The following WDR27 variants were observed in gnomAD, a reference collection of about 807,000 sequenced individuals.
WDR27 encodes WD repeat-containing protein 27.
A neutral mutation model predicts 114.4 loss-of-function variants in WDR27; 100 were observed. That is an observed-to-expected ratio of 0.87 (90% CI 0.74 to 1.03). The LOEUF (loss-of-function observed/expected upper bound fraction) is 1.03. WDR27 is among the 50% of genes least tolerant of loss of function. The pLI, the probability that WDR27 is intolerant of heterozygous loss-of-function variation, is 0.00. For synonymous variants in WDR27, 449 were observed against 423.1 expected (o/e 1.06, Z -0.75); for missense variants, 1,129 against 1,092.9 (o/e 1.03, Z -0.47).
chr6:169,630,563 G>T (rs1409458776), intron 21 of WDR27, among the ~76,000 whole-genome samples: 5 of 152,130 alleles, frequency 3.3e-5, no homozygotes, highest in African/African-American at 1.2e-4. Context: ...ATCTCATTAA[G>T]CTGCACTTGA....
At chr6:169,687,051 A>G (rs1202979563) in intron 2 of WDR27, among the ~76,000 whole-genome samples, 1 of 152,152 alleles carries the variant, frequency 6.6e-6, no homozygotes, top group South Asian at 2.1e-4. Flanking sequence ...GATAGTAAGA[A>G]TAAGTTCTGG....
chr6:169,699,655 G>A lies in WDR27; in HGVS notation c.-8+1896C>T, dbSNP rs775519032. 5.9e-5 allele frequency among the ~76,000 whole-genome samples: 9 copies of A among 152,264 alleles called. No homozygotes were observed. The South Asian group carries it at 6.2e-4, about 11-fold the overall frequency. On this transcript the variant is annotated intron_variant, in intron 1 of 25. Transcript: ENST00000448612. ...CCTCATAGCCACATCAGATGAGACC[G>A]TGGAGGAAAAGGACTAAGGGTAGAA...
chr6:169,574,825 T>C (rs1016389052), intron 24 of WDR27, among the ~76,000 whole-genome samples: 1 of 152,064 alleles, frequency 6.6e-6, no homozygotes, highest in Admixed American at 6.5e-5. Flanking sequence ...AGAAGGCCAA[T>C]AGCTTATCTC....
chr6:169,600,458 G>A (rs1453996105), intron 23 of WDR27, among the ~76,000 whole-genome samples: 1 of 152,200 alleles, frequency 6.6e-6, no homozygotes, highest in Admixed American at 6.5e-5. Context: ...AACAAAGCTG[G>A]ACGGAGAATG....
chr6:169,452,723 A>G, downstream of WDR27, among the ~76,000 whole-genome samples: 1 of 152,268 alleles, frequency 6.6e-6, no homozygotes, highest in East Asian at 1.9e-4. Flanking sequence ...TTCCACGGGG[A>G]TGGCACAGAA....
At chr6:169,566,420 G>A (rs1244500753) in intron 25 of WDR27, among the ~76,000 whole-genome samples, 1 of 152,226 alleles carries the variant, frequency 6.6e-6, no homozygotes, top group Non-Finnish European at 1.5e-5. Flanking sequence ...CACAGACCCT[G>A]AGAGTGGCCA....
At chr6:169,548,012 TA>T (rs765182527) in intron 25 of WDR27, among the ~76,000 whole-genome samples, 1 of 151,676 alleles carries the variant, frequency 6.6e-6, no homozygotes, top group East Asian at 1.9e-4. Context: ...GGTTAATACA[TA>T]AAAGTTAATC....
intron 25 of WDR27, among the ~76,000 whole-genome samples, chr6:169,553,002 GT>G (rs1798375088): frequency 1.6e-5 from 2 of 122,362 alleles, no homozygotes; most frequent in African/African-American, 6.1e-5. Context: ...GTGTGTGTGT[GT>G]GTGTGTGTGT....
chr6:169,463,252 A>G (rs1785136359), intron 25 of WDR27, among the ~76,000 whole-genome samples: 1 of 152,252 alleles, frequency 6.6e-6, no homozygotes, highest in African/African-American at 2.4e-5. Context: ...GGGGGTGTCA[A>G]ACTTGCCCTT....
intron 25 of WDR27, among the ~76,000 whole-genome samples, chr6:169,518,359 C>T (rs1793939571): frequency 1.3e-5 from 2 of 152,262 alleles, no homozygotes; most frequent in Admixed American, 6.5e-5. Flanking sequence ...GCCTGGCATC[C>T]AGCCTTTTTC....
At chr6:169,467,879 T>C (rs1178936249) in intron 25 of WDR27, among the ~76,000 whole-genome samples, 1 of 152,264 alleles carries the variant, frequency 6.6e-6, no homozygotes, top group Non-Finnish European at 1.5e-5. Context: ...TTCTGAACTT[T>C]TATGCTCTGC....
At chr6:169,671,029 A>C (rs1778604565) in intron 3 of WDR27, 3 of 215,482 alleles carry the variant, frequency 1.4e-5, no homozygotes, top group Admixed American at 5.4e-5. Context: ...CCCCATGTCC[A>C]CCCTCATGTA....
intron 1 of WDR27, among the ~76,000 whole-genome samples, chr6:169,692,337 T>A (rs950728156): frequency 6.6e-6 from 1 of 152,022 alleles, no homozygotes; most frequent in African/African-American, 2.4e-5. Flanking sequence ...CTGAATTATG[T>A]GATAATTTAG....
At chr6:169,482,096 GCTTGACC>G (rs1788238022) in intron 25 of WDR27, among the ~76,000 whole-genome samples, 1 of 152,232 alleles carries the variant, frequency 6.6e-6, no homozygotes, top group Non-Finnish European at 1.5e-5. Context: ...GTGGCCTCCA[GCTTGACC>G]CATGTCCCTG....
Position 169,553,302 on chromosome 6 carries a change from G to T in WDR27, c.2645+19117C>A, listed in dbSNP as rs941947325. ...CCCAGCAACGTCTCCCTGCCCATCC[G>T]CAAGCCATTCTTTCCGGTTTAGTAC... On this transcript the variant is annotated intron_variant, in intron 25 of 25. Coordinates refer to ENST00000448612, the MANE Select transcript of WDR27 (RefSeq NM_182552.5). 2.6e-5 allele frequency among the ~76,000 whole-genome samples: 4 copies of T among 152,164 alleles called. No homozygotes were observed. The East Asian group carries it at 7.7e-4, about 29-fold the overall frequency.
At chr6:169,606,506 C>T (rs552426584) in intron 22 of WDR27, among the ~76,000 whole-genome samples, 106 of 152,268 alleles carry the variant, frequency 7.0e-4, no homozygotes, top group Middle Eastern at 3.4e-3. Context: ...TTGTTCCATT[C>T]CTTGTGTCCA....
intron 8 of WDR27, among the ~76,000 whole-genome samples, chr6:169,663,389 A>T (rs1384644225): frequency 6.6e-6 from 1 of 152,196 alleles, no homozygotes; most frequent in Non-Finnish European, 1.5e-5. Context: ...AGAATGAGTA[A>T]CCAGAATGAG....
At chr6:169,467,907 GT>G (rs1785820053) in intron 25 of WDR27, among the ~76,000 whole-genome samples, 1 of 152,208 alleles carries the variant, frequency 6.6e-6, no homozygotes, top group Admixed American at 6.5e-5. Context: ...TTAAACGTAA[GT>G]TCCAATTCCA....
chr6:169,664,814 C>T (rs370266258), intron 7 of WDR27: 4 of 995,740 alleles, frequency 4.0e-6, no homozygotes, highest in Admixed American at 5.6e-5. Context: ...GGTTTTTCAA[C>T]AGTGTGTAAA....
Sources: allele counts gnomAD v4.1 joint callset (sites outside exome capture counted in the v4.1 genomes callset), GRCh38; gene constraint gnomAD v4.1.1; transcripts MANE v1.5; gene names NCBI Gene and HGNC (gene_info 2026-07-23, HGNC 2026-07-21).